Variants in TMEM131L observed in about 807,000 individuals in gnomAD.
TMEM131L encodes transmembrane protein 131-like.
A neutral mutation model predicts 192.2 loss-of-function variants in TMEM131L; 54 were observed. The ratio of observed to expected loss-of-function variants is 0.28; its 90% CI spans 0.23 to 0.35. The LOEUF (loss-of-function observed/expected upper bound fraction) is 0.35, where lower values mean the gene tolerates loss of function less well. Among genes scored for constraint, TMEM131L ranks in the 10% least tolerant of loss-of-function variants. TMEM131L has a pLI of 1.00. For synonymous variants in TMEM131L, 701 were observed against 704.9 expected (o/e 0.99, Z 0.09); for missense variants, 1,888 against 1,972.9 (o/e 0.96, Z 0.82).
At chr4:153,607,611 A>G (rs1344324356) in intron 25 of TMEM131L, among the ~76,000 whole-genome samples, 4 of 152,200 alleles carry the variant, frequency 2.6e-5, no homozygotes, top group Admixed American at 6.5e-5. Context: ...AAAGGGAAAA[A>G]GGGAAAGGTG....
At chr4:153,630,893 C>T (rs949531600) in intron 31 of TMEM131L, among the ~76,000 whole-genome samples, 2 of 152,222 alleles carry the variant, frequency 1.3e-5, no homozygotes, top group African/African-American at 2.4e-5. Flanking sequence ...TCTATCTTGA[C>T]TGGCTGTAAG....
intron 25 of TMEM131L, among the ~76,000 whole-genome samples, chr4:153,607,794 A>G (rs559215491): frequency 6.6e-6 from 1 of 152,226 alleles, no homozygotes; most frequent in African/African-American, 2.4e-5. Context: ...CTTTGACTAC[A>G]TACTTGCCAT....
At chr4:153,509,965 T>C (rs1395262729) in intron 3 of TMEM131L, among the ~76,000 whole-genome samples, 2 of 152,184 alleles carry the variant, frequency 1.3e-5, no homozygotes, top group Non-Finnish European at 2.9e-5. Flanking sequence ...ATATGATCTG[T>C]CAGGAAAGGA....
At chr4:153,491,018 C>G (rs1027657089) in intron 3 of TMEM131L, among the ~76,000 whole-genome samples, 1 of 151,812 alleles carries the variant, frequency 6.6e-6, no homozygotes, top group African/African-American at 2.4e-5. Context: ...AACAAGACCC[C>G]GTTCAGAGAT....
At chr4:153,590,802 C>T (rs1002926662) in intron 16 of TMEM131L, among the ~76,000 whole-genome samples, 4 of 151,598 alleles carry the variant, frequency 2.6e-5, no homozygotes, top group Admixed American at 1.3e-4. Context: ...AGGAGCCCTT[C>T]GGCTGGCTTG....
At chr4:153,571,884 T>G (rs1290336215) in intron 7 of TMEM131L, among the ~76,000 whole-genome samples, 3 of 152,226 alleles carry the variant, frequency 2.0e-5, no homozygotes, top group Non-Finnish European at 4.4e-5. Flanking sequence ...ACAATTCCAG[T>G]CTGCTGAGAT....
intron 6 of TMEM131L, among the ~76,000 whole-genome samples, chr4:153,558,051 G>T (rs1194439056): frequency 1.3e-5 from 2 of 152,208 alleles, no homozygotes; most frequent in Non-Finnish European, 2.9e-5. Flanking sequence ...GATTACAGGC[G>T]TGAGCCACCG....
At chr4:153,579,269 AG>A (rs1730174332) in intron 7 of TMEM131L, among the ~76,000 whole-genome samples, 1 of 151,958 alleles carries the variant, frequency 6.6e-6, no homozygotes, top group African/African-American at 2.4e-5. Flanking sequence ...GCTGAGGTGG[AG>A]GTTGCATGAG....
chr4:153,467,424 T>G, intron 2 of TMEM131L, 143 bp downstream of exon 2: 1 of 712,846 alleles, frequency 1.4e-6, no homozygotes, highest in Non-Finnish European at 2.4e-6. Context: ...GGGCCGAGCC[T>G]GAACACCTGG....
chr4:153,551,185 G>A (rs866582227), intron 4 of TMEM131L, among the ~76,000 whole-genome samples: 1 of 152,182 alleles, frequency 6.6e-6, no homozygotes, highest in Admixed American at 6.5e-5. Context: ...TTCATGGAGA[G>A]CCTTTTGAGT....
Position 153,602,324 on chromosome 4 carries a change from C to T in TMEM131L, c.2439C>T (p.Arg813=), listed in dbSNP as rs773063385. The change falls in exon 22 of 35, where the codon CGC becomes CGT. Residue 813 remains arginine, a synonymous_variant. Coordinates refer to ENST00000409959, the MANE Select transcript of TMEM131L (RefSeq NM_001131007.2). ...TTTCCCTGGACCCAAACACATCCCG[C>T]GATATCAGCATTGTGTAAGCATTGG... is the stretch of plus-strand genomic sequence containing the variant. ...HQFSLDPNTS[R]DISIVFTPDF... 60 of 1,613,152 alleles carry T rather than the reference C, an allele frequency of 3.7e-5. No homozygotes were observed. Among genetic ancestry groups the T allele is most frequent in the Non-Finnish European group, 4.5e-5 (53 of 1,179,866 alleles).
At chr4:153,627,432 A>G (rs1490958342) in intron 30 of TMEM131L, among the ~76,000 whole-genome samples, 173 bp from the exon 31 acceptor site, 2 of 152,200 alleles carry the variant, frequency 1.3e-5, no homozygotes, top group African/African-American at 2.4e-5. Flanking sequence ...ATATTCCTCA[A>G]TTCTTTTCTG....
chr4:153,581,389 T>C lies in TMEM131L; in HGVS notation c.739-18T>C. On this transcript the variant is annotated intron_variant, in intron 8 of 34. Coordinates refer to ENST00000409959, the MANE Select transcript of TMEM131L (RefSeq NM_001131007.2). ...GATGATTTTTTTTTTCCTTTTTTCC[T>C]CCTCCTTCCAACCATAGGGTTGTTA... The C allele has an allele frequency of 6.7e-7, 1 of 1,502,004 alleles. No individual in the cohort carries two copies. The highest frequency in any genetic ancestry group is 2.3e-5 in the Admixed American group (1 of 43,280). 93.0% of individuals were successfully genotyped at this position (1,502,004 alleles called of 1,614,324 possible). A position where few individuals can be genotyped will look rare whatever the true frequency, so the allele number is the denominator to read the frequency against.
intron 4 of TMEM131L, among the ~76,000 whole-genome samples, chr4:153,550,420 G>C (rs537670163): frequency 6.6e-6 from 1 of 152,028 alleles, no homozygotes; most frequent in African/African-American, 2.4e-5. Context: ...TCTGCCTCCC[G>C]GGTTTACGCC....
chr4:153,552,916 C>T (rs1011918804), intron 4 of TMEM131L, among the ~76,000 whole-genome samples: 1 of 150,478 alleles, frequency 6.6e-6, no homozygotes, highest in African/African-American at 2.5e-5. Context: ...TATACTGTAT[C>T]TCTTTTTTCT....
At chr4:153,553,870 GAAATTTA>G (rs1737814842) in intron 4 of TMEM131L, among the ~76,000 whole-genome samples, 1 of 152,134 alleles carries the variant, frequency 6.6e-6, no homozygotes. Flanking sequence ...ACTAGTGAAG[GAAATTTA>G]TATCCTCATA....
rs369094307 is a variant in TMEM131L, at chr4:153,487,719, T to TGTGAGA, written c.239+13832_239+13833insTGAGAG. 1.8e-3 allele frequency among the ~76,000 whole-genome samples: 253 copies of TGTGAGA among 143,522 alleles called. 1 individual carries two copies. The highest frequency in any genetic ancestry group is 3.3e-3 in the South Asian group (14 of 4,246). 94.2% of individuals were successfully genotyped at this position (143,522 alleles called of 152,430 possible). On this transcript the variant is annotated intron_variant, in intron 3 of 34. Coordinates refer to ENST00000409959, the MANE Select transcript of TMEM131L (RefSeq NM_001131007.2). ...GTGTGTGTGTGTGTGTGTGTGTGTG[T>TGTGAGA]GAGAGAGAGAGAGAGAGAGACACCC...
chr4:153,521,551 A>G (rs1458862062), intron 3 of TMEM131L, among the ~76,000 whole-genome samples: 2 of 152,108 alleles, frequency 1.3e-5, no homozygotes, highest in African/African-American at 2.4e-5. Context: ...TACCATTTTG[A>G]CCATTTTTAA....
chr4:153,473,845 G>A lies in TMEM131L; in HGVS notation c.196G>A (p.Gly66Ser), dbSNP rs1206863556. ...EEGELLLPTQ[G>S]DSEEGLEEPS... The stretch of plus-strand genomic sequence containing the variant: ...GTTAACACATGTTCTTTTTCAATAG[G>A]GTGATTCTGAAGAGGGTCTGGAGGA... The change falls in exon 3 of 35, where the codon GGT becomes AGT. Residue 66 changes from glycine to serine, a missense_variant and splice_region_variant. Physicochemically the swap from Gly to Ser is moderately conservative, Grantham distance 56. Transcript: ENST00000409959. 13 of 1,542,432 alleles carry A rather than the reference G, an allele frequency of 8.4e-6. No homozygotes were observed. Among genetic ancestry groups the A allele is most frequent in the Non-Finnish European group, 1.1e-5 (13 of 1,143,492 alleles).
Sources: allele counts gnomAD v4.1 joint callset (sites outside exome capture counted in the v4.1 genomes callset), GRCh38; gene constraint gnomAD v4.1.1; transcripts MANE v1.5; gene names NCBI Gene and HGNC (gene_info 2026-07-23, HGNC 2026-07-21).